The following SETD2 variants were observed in gnomAD, a reference collection of about 807,000 sequenced individuals.
The protein encoded by SETD2 is SET domain containing 2, histone lysine methyltransferase.
Under a neutral mutation model 242.1 loss-of-function variants are expected in SETD2, and 31 were observed. That is an observed-to-expected ratio of 0.13 (90% CI 0.10 to 0.17). The LOEUF is 0.17. Ranked by LOEUF, SETD2 falls within the 10% of genes least tolerant of loss-of-function variation. The pLI is 1.00. For synonymous variants in SETD2, 1,006 were observed against 1,066.5 expected, an observed-to-expected ratio of 0.94 and a Z score of 1.11; for missense variants, 2,481 against 3,046.3, an observed-to-expected ratio of 0.81 and a Z score of 4.37.
At position 47,082,483 on chromosome 3, in the gene SETD2, A is replaced by T. The variant is rs1235899451; in HGVS notation, c.6060+1237T>A. Reference sequence around the variant, plus strand: ...GTCACAAAGCAGGCCTTAAATAAAAATCCATCAAGTGACTATCCCAGCACT... The same window carrying T: ...GTCACAAAGCAGGCCTTAAATAAAATTCCATCAAGTGACTATCCCAGCACT... On this transcript the variant is annotated intron_variant, in intron 12 of 20. Coordinates refer to ENST00000409792, the MANE Select transcript of SETD2 (RefSeq NM_014159.7). Among the ~76,000 whole-genome samples the T allele has an allele frequency of 2.0e-5, 3 of 152,212 alleles. No homozygotes were observed. In the East Asian group the frequency reaches 5.8e-4, roughly 29 times the overall value.
chr3:47,051,586 G>C (rs947572283), intron 15 of SETD2, among the ~76,000 whole-genome samples: 1 of 152,052 alleles, frequency 6.6e-6, no homozygotes, highest in Non-Finnish European at 1.5e-5. Context: ...TAACTTCTTT[G>C]ACTTCATTTC....
chr3:47,149,947 C>G (rs1053348358), intron 1 of SETD2, among the ~76,000 whole-genome samples: 6 of 151,392 alleles, frequency 4.0e-5, no homozygotes, highest in African/African-American at 1.5e-4. Context: ...ATCAGCTACC[C>G]TAGAGAAGAA....
At chr3:47,067,257 T>C (rs957478137) in intron 12 of SETD2, 139 bp from the exon 13 acceptor site, 5 of 675,028 alleles carry the variant, frequency 7.4e-6, no homozygotes, top group South Asian at 1.8e-5. Context: ...GACTTATATC[T>C]GGGCTTTAAA....
At chr3:47,102,649 C>T (rs1314300237) in intron 7 of SETD2, among the ~76,000 whole-genome samples, 1 of 151,772 alleles carries the variant, frequency 6.6e-6, no homozygotes, top group African/African-American at 2.4e-5. Context: ...AAAAAATTAG[C>T]TGGACGTGAT....
In SETD2 at chr3:47,122,644, T is replaced by G. The variant is rs757294853; in HGVS notation, c.1992A>C (p.Arg664Ser). 15 of 1,613,520 alleles carry G rather than the reference T, an allele frequency of 9.3e-6. No individual in the cohort carries two copies. Among genetic ancestry groups the G allele is most frequent in the Non-Finnish European group, 1.2e-5 (14 of 1,179,530 alleles). The stretch of plus-strand genomic sequence containing the variant: ...TATTTAATTCTATGGGACAAAAACT[T>G]CTTAATTGATCATTCTTCACTTTAG... ...SLSKVKNDQL[R>S]SFCPIELNIN... is the part of the protein sequence containing the mutation. Residue 664 changes from arginine to serine, a missense_variant, in exon 3 of 21, where the codon AGA becomes AGC. Physicochemically the swap from Arg to Ser is moderately radical, Grantham distance 110. Around this residue, in one of 17 missense-constraint regions of SETD2, gnomAD observed 1,300 missense variants for 1,259.2 expected, o/e 1.03. Coordinates refer to ENST00000409792, the MANE Select transcript of SETD2 (RefSeq NM_014159.7).
rs71098448 is a variant in SETD2 at position 47,078,519 on chromosome 3, CTTTTTTTT to C, written c.6060+5193_6060+5200del. ...TGTGCTCCCATATTAGATTCTCAGC[CTTTTTTTT>C]TTTTTTTTTTTTTTTTTTGCTATAA... On this transcript the variant is annotated intron_variant, in intron 12 of 20. Coordinates refer to ENST00000409792, the MANE Select transcript of SETD2 (RefSeq NM_014159.7). Among the ~76,000 whole-genome samples the C allele has an allele frequency of 1.0e-3, 72 of 71,288 alleles. 1 individual carries two copies. Among genetic ancestry groups the C allele is most frequent in the Non-Finnish European group, 1.3e-3 (52 of 39,656 alleles). The allele number at this position is 71,288 out of a possible 152,430, so 46.8% of individuals were successfully genotyped here.
intron 1 of SETD2, among the ~76,000 whole-genome samples, chr3:47,149,458 T>G (rs1337035728): frequency 1.3e-5 from 2 of 152,104 alleles, no homozygotes; most frequent in Non-Finnish European, 2.9e-5. Context: ...CTCCCTACAC[T>G]AGACACCTCT....
At chr3:47,147,370 T>C (rs1334440611) in intron 1 of SETD2, among the ~76,000 whole-genome samples, 2 of 144,668 alleles carry the variant, frequency 1.4e-5, no homozygotes, top group Admixed American at 1.4e-4. Context: ...TCGCCCAGGA[T>C]GGAGTGCAGT....
intron 1 of SETD2, among the ~76,000 whole-genome samples, chr3:47,140,528 C>T (rs7630154): frequency 0.042 from 6,451 of 152,260 alleles, 469 homozygotes; most frequent in African/African-American, 0.15. Context: ...TGCATAAATG[C>T]TGAAATTCAT....
At chr3:47,129,424 C>A (rs746394643) in intron 1 of SETD2, among the ~76,000 whole-genome samples, 5 of 152,208 alleles carry the variant, frequency 3.3e-5, no homozygotes, top group Non-Finnish European at 7.3e-5. Flanking sequence ...TGTGCATGCA[C>A]TTGAGTGTGG....
intron 15 of SETD2, among the ~76,000 whole-genome samples, chr3:47,053,614 G>C (rs1338205523): frequency 6.6e-6 from 1 of 152,164 alleles, no homozygotes; most frequent in Non-Finnish European, 1.5e-5. Context: ...TGAATATGTA[G>C]ATACACAGAC....
At chr3:47,065,271 A>C (rs1240293538) in intron 13 of SETD2, among the ~76,000 whole-genome samples, 1 of 152,196 alleles carries the variant, frequency 6.6e-6, no homozygotes, top group Non-Finnish European at 1.5e-5. Context: ...GGAACTAAAA[A>C]TATTCGAAAG....
chr3:47,034,781 T>C (rs879398498), intron 18 of SETD2, among the ~76,000 whole-genome samples: 3 of 152,174 alleles, frequency 2.0e-5, no homozygotes, highest in African/African-American at 4.8e-5. Context: ...CTGGGAGCAA[T>C]AGCCTTGCCT....
chr3:47,046,607 T>C lies in SETD2; in HGVS notation c.6978A>G (p.Pro2326=), dbSNP rs774127573. The change falls in exon 16 of 21, where the codon CCA becomes CCG. Residue 2326 remains proline (P), a synonymous_variant. Coordinates refer to ENST00000409792, the MANE Select transcript of SETD2 (RefSeq NM_014159.7). The stretch of plus-strand genomic sequence containing the variant: ...GTTGCCCCTGGATATACTGAAGACT[T>C]GGCTGGGCATAACTCTAAAAGATAA... ...TPPIVQSYAQ[P]SLQYIQGQQI... 2 of 1,611,160 alleles carry C rather than the reference T, an allele frequency of 1.2e-6. No homozygotes were observed. The highest frequency in any genetic ancestry group is 4.5e-5 in the East Asian group (2 of 44,804).
chr3:47,092,910 G>C (rs1338762222), intron 9 of SETD2, among the ~76,000 whole-genome samples: 1 of 151,974 alleles, frequency 6.6e-6, no homozygotes. Context: ...CCTATGCTTT[G>C]GAGATAACTT....
chr3:47,070,159 G>A (rs187214488), intron 12 of SETD2, among the ~76,000 whole-genome samples: 91 of 152,194 alleles, frequency 6.0e-4, no homozygotes, highest in South Asian at 6.2e-4. Context: ...ACTCTGTAGC[G>A]GCAGTTAATG....
intron 1 of SETD2, among the ~76,000 whole-genome samples, chr3:47,141,306 T>C (rs914015348): frequency 2.0e-5 from 3 of 152,076 alleles, no homozygotes; most frequent in Non-Finnish European, 4.4e-5. Context: ...CTGCACCCAG[T>C]TGGTTAATGT....
At chr3:47,107,727 G>T (rs1477177160) in intron 5 of SETD2, among the ~76,000 whole-genome samples, 1 of 20,248 alleles carries the variant, frequency 4.9e-5, no homozygotes, top group Non-Finnish European at 9.5e-5. Flanking sequence ...TGGCGGGGGG[G>T]GGTGGGGGGG....
intron 1 of SETD2, 62 bp from the exon 2 acceptor site, chr3:47,126,725 A>C (rs1266779851): frequency 1.5e-5 from 15 of 969,608 alleles, no homozygotes; most frequent in Non-Finnish European, 2.4e-5. Context: ...ATACTTAAAA[A>C]CGATTGAAAT....
Sources: allele counts gnomAD v4.1 joint callset (sites outside exome capture counted in the v4.1 genomes callset), GRCh38; gene constraint gnomAD v4.1.1; regional missense constraint gnomAD v4.1.1; transcripts MANE v1.5; gene names NCBI Gene and HGNC (gene_info 2026-07-23, HGNC 2026-07-21).